The following HMCN1 variants were observed in gnomAD, a reference collection of about 807,000 sequenced individuals.
HMCN1 encodes hemicentin-1.
Under a neutral mutation model 625.9 loss-of-function variants are expected in HMCN1, and 321 were observed. The ratio of observed to expected loss-of-function variants is 0.51; its 90% confidence interval spans 0.47 to 0.56. The LOEUF (loss-of-function observed/expected upper bound fraction) is 0.56, where lower values mean the gene tolerates loss of function less well. HMCN1 is among the 20% of genes least tolerant of loss of function. HMCN1 has a pLI of 0.00. For synonymous variants in HMCN1, 2,425 were observed against 2,417.6 expected (o/e 1.00, Z -0.09); for missense variants, 6,588 against 6,887.3 (o/e 0.96, Z 1.54).
At chr1:185,993,731 A>C (rs2102038813) in intron 23 of HMCN1, among the ~76,000 whole-genome samples, 1 of 152,030 alleles carries the variant, frequency 6.6e-6, no homozygotes, top group African/African-American at 2.4e-5. Flanking sequence ...GTTTCCTAGG[A>C]CTCTTTGACT....
chr1:186,050,382 C>T (rs191350989), intron 42 of HMCN1, among the ~76,000 whole-genome samples: 1 of 151,794 alleles, frequency 6.6e-6, no homozygotes, highest in Non-Finnish European at 1.5e-5. Context: ...GGAATGTATA[C>T]AGAAGAGTAC....
chr1:185,773,251 A>T (rs1656370723), intron 1 of HMCN1, among the ~76,000 whole-genome samples: 1 of 152,206 alleles, frequency 6.6e-6, no homozygotes, highest in African/African-American at 2.4e-5. Context: ...ACTGCTAAAA[A>T]TACTGCAATG....
chr1:185,900,755 C>G (rs1282482598), intron 4 of HMCN1, among the ~76,000 whole-genome samples: 1 of 151,812 alleles, frequency 6.6e-6, no homozygotes, highest in Non-Finnish European at 1.5e-5. Flanking sequence ...TTTGGAAATA[C>G]AGAGAATATG....
At chr1:185,742,225 T>G (rs1351901810) in intron 1 of HMCN1, among the ~76,000 whole-genome samples, 1 of 152,150 alleles carries the variant, frequency 6.6e-6, no homozygotes, top group Non-Finnish European at 1.5e-5. Flanking sequence ...AAGTCCATGA[T>G]TTACATCATT....
intron 4 of HMCN1, among the ~76,000 whole-genome samples, chr1:185,887,214 A>G (rs950143919): frequency 3.3e-5 from 5 of 152,156 alleles, no homozygotes; most frequent in Non-Finnish European, 7.4e-5. Context: ...TTCTTCAGAA[A>G]ATATGTTATG....
At position 186,016,028 on chromosome 1, in the gene HMCN1, A is replaced by G. The variant is rs1654343615; in HGVS notation, c.4980A>G (p.Thr1660=). 1 of 1,613,422 alleles carries G rather than the reference A, an allele frequency of 6.2e-7. No individual in the cohort carries two copies. The highest frequency in any genetic ancestry group is 8.5e-7 in the Non-Finnish European group (1 of 1,179,532). Residue 1660 remains threonine (T), a synonymous_variant, in exon 32 of 107, where the codon ACA becomes ACG. Coordinates refer to ENST00000271588, the MANE Select transcript of HMCN1 (RefSeq NM_031935.3). ...NKQVVIAHSL[T]LECKAAGNPS... ...AAGTAGTTATTGCTCATTCTCTGAC[A>G]CTGGAGTGCAAAGCTGCTGGAAACC...
In HMCN1 at chr1:186,103,545, C is replaced by G. The variant is rs974568290; in HGVS notation, c.10647C>G (p.Thr3549=). The G allele has an allele frequency of 4.3e-6, 7 of 1,613,676 alleles. No homozygotes were observed. The Admixed American group carries it at 8.3e-5, about 19-fold the overall frequency. The change falls in exon 69 of 107, where the codon ACC becomes ACG. Residue 3549 remains threonine (T), a synonymous_variant. Coordinates refer to ENST00000271588, the MANE Select transcript of HMCN1 (RefSeq NM_031935.3). ...SVIVNNPLEL[T]CIASGIPAPK... ...TTGTTAATAACCCACTTGAACTTAC[C>G]TGCATTGCTTCTGGAATCCCAGCCC...
intron 29 of HMCN1, among the ~76,000 whole-genome samples, chr1:186,005,747 T>G (rs1165053089): frequency 2.0e-5 from 3 of 152,206 alleles, no homozygotes; most frequent in Non-Finnish European, 2.9e-5. Flanking sequence ...CTTACTTTTT[T>G]GTTTAAAATT....
In HMCN1 at chr1:186,153,955, T is replaced by G. The variant is rs1257095961; in HGVS notation, c.15224T>G (p.Leu5075Arg). 2 of 1,613,960 alleles carry G rather than the reference T, an allele frequency of 1.2e-6. No individual in the cohort carries two copies. The highest frequency in any genetic ancestry group is 1.7e-6 in the Non-Finnish European group (2 of 1,179,822). The change falls in exon 97 of 107, where the codon CTG becomes CGG. Residue 5075 changes from leucine (L) to arginine (R), a missense_variant. This residue lies in a region of HMCN1 where 1,954 missense variants were observed against 2,013.1 expected (regional missense o/e 0.97). Coordinates refer to ENST00000271588, the MANE Select transcript of HMCN1 (RefSeq NM_031935.3). ...GACTATAACCAGATAGAAGAGACAC[T>G]GGGTTTTAAAATTCATGCTTCAATA... ...ESDYNQIEETLGFKIHASISK... is the reference protein window; with the variant it reads ...ESDYNQIEETRGFKIHASISK...
intron 15 of HMCN1, among the ~76,000 whole-genome samples, chr1:185,975,622 A>G (rs950090150): frequency 1.3e-5 from 2 of 152,160 alleles, no homozygotes; most frequent in Non-Finnish European, 2.9e-5. Context: ...TAAGCAAGCT[A>G]TGAGCTATTC....
chr1:185,953,022 T>G (rs767903569), intron 11 of HMCN1, among the ~76,000 whole-genome samples: 4 of 144,216 alleles, frequency 2.8e-5, no homozygotes, highest in South Asian at 4.3e-4. Context: ...GATTGGGGGG[T>G]TTTTGCCCCC....
rs960957594 is a variant in HMCN1 at position 186,171,318 on chromosome 1, G to A, written c.15575-19G>A. 2 of 1,566,312 alleles carry A rather than the reference G, an allele frequency of 1.3e-6. No individual in the cohort carries two copies. The highest frequency in any genetic ancestry group is 1.1e-5 in the South Asian group (1 of 90,174). On this transcript the variant is annotated intron_variant, in intron 100 of 106. Transcript: ENST00000271588. ...GGTTTCCTAATAGCATATAATGAAA[G>A]TTTTGTTTTATTTAACAGATATTAA...
At chr1:186,039,599 G>T (rs1002564463) in intron 38 of HMCN1, 129 bp from the exon 39 acceptor site, 2 of 943,444 alleles carry the variant, frequency 2.1e-6, no homozygotes, top group African/African-American at 3.3e-5. Context: ...AGATGTGAAA[G>T]AACTTACCAA....
intron 30 of HMCN1, among the ~76,000 whole-genome samples, chr1:186,010,830 A>G (rs1344400617): frequency 6.6e-6 from 1 of 152,196 alleles, no homozygotes; most frequent in Non-Finnish European, 1.5e-5. Flanking sequence ...AATAAAGGAG[A>G]TAATATAGAT....
chr1:186,039,707 A>G (rs140425389), intron 38 of HMCN1, 21 bp from the exon 39 acceptor site: 89 of 1,611,814 alleles, frequency 5.5e-5, no homozygotes, highest in Non-Finnish European at 7.2e-5. Flanking sequence ...AACGTGTCTT[A>G]CTTTCATTTG....
At chr1:186,183,235 C>G (rs547431229) in intron 105 of HMCN1, among the ~76,000 whole-genome samples, 2 of 152,150 alleles carry the variant, frequency 1.3e-5, no homozygotes, top group Non-Finnish European at 2.9e-5. Context: ...GAATTTTTTT[C>G]TCTTTATGGG....
intron 97 of HMCN1, among the ~76,000 whole-genome samples, chr1:186,162,492 C>A (rs2102609542): frequency 6.6e-6 from 1 of 152,256 alleles, no homozygotes; most frequent in African/African-American, 2.4e-5. Flanking sequence ...AGGTGCTCTG[C>A]TTTTTAGAGT....
chr1:185,980,942 A>G (rs768215106), intron 16 of HMCN1, 36 bp from the exon 17 acceptor site: 3 of 1,179,992 alleles, frequency 2.5e-6, no homozygotes, highest in East Asian at 2.3e-5. Context: ...TTCTCCATAG[A>G]TGGTATTGGA....
intron 4 of HMCN1, among the ~76,000 whole-genome samples, chr1:185,888,668 C>G (rs538600586): frequency 2.7e-5 from 4 of 147,282 alleles, no homozygotes; most frequent in South Asian, 2.1e-4. Flanking sequence ...ATTGATCTAT[C>G]TCTCTGTTTT....
Sources: gnomAD v4.1 joint callset for allele counts (sites outside exome capture counted in the v4.1 genomes callset) on GRCh38, gnomAD v4.1.1 for gene constraint, gnomAD v4.1.1 regional missense constraint, MANE v1.5 for transcripts, NCBI Gene and HGNC (gene_info 2026-07-23, HGNC 2026-07-21) for gene names.